ATP6V0A4: variants seen among roughly 807,000 people sequenced by gnomAD.
ATP6V0A4 encodes ATPase H+ transporting V0 subunit a4, also known as V-type proton ATPase 116 kDa subunit a 4.
In ATP6V0A4, 86 loss-of-function variants were observed where a neutral mutation model predicts 107.3. The observed-to-expected ratio is 0.80, with a 90% CI of 0.67 to 0.96. The LOEUF (loss-of-function observed/expected upper bound fraction) is 0.96, where lower values mean the gene tolerates loss of function less well. Ranked by LOEUF, ATP6V0A4 falls within the 40% of genes least tolerant of loss-of-function variation. The probability of loss-of-function intolerance (pLI) is 0.00; values close to 1 mark genes in which losing one functional copy is unlikely to be tolerated. For missense variants in ATP6V0A4, 908 were observed against 1,045.6 expected, an observed-to-expected ratio of 0.87 and a Z score of 1.81; for synonymous variants, 353 against 381.4, an observed-to-expected ratio of 0.93 and a Z score of 0.87.
chr7:138,765,256 A>G (rs1019828379), intron 5 of ATP6V0A4, among the ~76,000 whole-genome samples: 31 of 152,266 alleles, frequency 2.0e-4, no homozygotes, highest in African/African-American at 7.2e-4. Flanking sequence ...GTTCCACTCC[A>G]TTACCTCCCG....
At chr7:138,719,350 T>A (rs78943143) in intron 19 of ATP6V0A4, among the ~76,000 whole-genome samples, 42,713 of 151,892 alleles carry the variant, frequency 0.28, 6,251 homozygotes, top group South Asian at 0.41. Flanking sequence ...GCGAATGCAG[T>A]GGCTTAAGTT....
chr7:138,714,433 G>A, intron 20 of ATP6V0A4, among the ~76,000 whole-genome samples: 1 of 151,780 alleles, frequency 6.6e-6, no homozygotes, highest in East Asian at 1.9e-4. Context: ...TATCAAAACT[G>A]TATTTCCAAT....
At chr7:138,762,825 G>T (rs187857839) in intron 6 of ATP6V0A4, 75 bp downstream of exon 6, 46 of 1,513,864 alleles carry the variant, frequency 3.0e-5, no homozygotes, top group Admixed American at 3.3e-5. Context: ...CAGATCCCAG[G>T]CCAGCCAGTT....
intron 18 of ATP6V0A4, among the ~76,000 whole-genome samples, chr7:138,725,895 G>A (rs1804687278): frequency 6.6e-6 from 1 of 152,170 alleles, no homozygotes; most frequent in Admixed American, 6.5e-5. Context: ...ATACTTCATG[G>A]ATTGGTGCCT....
At position 138,718,670 on chromosome 7, in the gene ATP6V0A4, TCGGGGCGGG is replaced by T. The variant is rs769198248; in HGVS notation, c.2140-2798_2140-2790del. 1.0e-4 allele frequency among the ~76,000 whole-genome samples: 4 copies of T among 39,882 alleles called. 2 individuals carry two copies. The highest frequency in any genetic ancestry group is 1.9e-4 in the Non-Finnish European group (4 of 20,730). The allele number at this position is 39,882 out of a possible 152,430, so 26.2% of individuals were successfully genotyped here. ...CGGAGGGAGACGTCCAGGAAGGAAT[TCGGGGCGGG>T]GGGGGGGGGTGCAGTCACGGATGTC... On this transcript the variant is annotated intron_variant, in intron 19 of 21. Coordinates refer to ENST00000310018, the MANE Select transcript of ATP6V0A4 (RefSeq NM_020632.3).
At chr7:138,788,334 T>G (rs1273759238) in intron 1 of ATP6V0A4, among the ~76,000 whole-genome samples, 1 of 152,196 alleles carries the variant, frequency 6.6e-6, no homozygotes, top group African/African-American at 2.4e-5. Flanking sequence ...TAAGAGTAAT[T>G]GTAGGGAACC....
chr7:138,721,776 C>T, intron 19 of ATP6V0A4, 121 bp downstream of exon 19: 1 of 1,116,816 alleles, frequency 9.0e-7, no homozygotes, highest in Non-Finnish European at 1.3e-6. Flanking sequence ...TCCCAGGACT[C>T]AGCAGTGACA....
At chr7:138,735,715 C>T (rs988183498) in intron 15 of ATP6V0A4, among the ~76,000 whole-genome samples, 8 of 152,196 alleles carry the variant, frequency 5.3e-5, no homozygotes, top group Non-Finnish European at 1.0e-4. Flanking sequence ...CTCGGCATTC[C>T]CCTTGCTCAC....
intron 18 of ATP6V0A4, among the ~76,000 whole-genome samples, chr7:138,726,211 G>C (rs866551247): frequency 6.9e-4 from 105 of 152,018 alleles, no homozygotes; most frequent in South Asian, 1.7e-3. Flanking sequence ...GGATGGTCTC[G>C]ATCTCCTGAC....
At chr7:138,763,697 A>T (rs146345538) in intron 5 of ATP6V0A4, among the ~76,000 whole-genome samples, 187 of 151,530 alleles carry the variant, frequency 1.2e-3, no homozygotes, top group Non-Finnish European at 1.8e-3. Context: ...TAAAATAGAA[A>T]ATGATGGGCC....
chr7:138,732,905 G>A lies in ATP6V0A4; in HGVS notation c.1880C>T (p.Ser627Phe), dbSNP rs780506721. The A allele has an allele frequency of 2.5e-6, 4 of 1,612,936 alleles. No homozygotes were observed. Among genetic ancestry groups the A allele is most frequent in the Non-Finnish European group, 3.4e-6 (4 of 1,179,570 alleles). The change falls in exon 17 of 22, where the codon TCT becomes TTT. Residue 627 changes from serine to phenylalanine, a missense_variant. Transcript: ENST00000310018. ...ATGTTTGTAGAGGGGTGCGTTGGAA[G>A]AGTCACTGTAGTTAAACAGAAACAT... Reference protein sequence around the residue: ...INMFLFNYSDSSNAPLYKHQQ... With the variant: ...INMFLFNYSDFSNAPLYKHQQ...
At chr7:138,731,827 A>G (rs1381816608) in intron 17 of ATP6V0A4, among the ~76,000 whole-genome samples, 1 of 152,068 alleles carries the variant, frequency 6.6e-6, no homozygotes, top group African/African-American at 2.4e-5. Flanking sequence ...CAGGAGGCGG[A>G]GGTCGCAATG....
rs574869865 is a variant in ATP6V0A4, at chr7:138,708,490, T to C, written c.2429+1134A>G. 8.1e-4 allele frequency among the ~76,000 whole-genome samples: 124 copies of C among 152,240 alleles called. 4 individuals are homozygous for C. In the South Asian group the frequency reaches 0.025, roughly 31 times the overall value. On this transcript the variant is annotated intron_variant, in intron 21 of 21. Coordinates refer to ENST00000310018, the MANE Select transcript of ATP6V0A4 (RefSeq NM_020632.3). ...AAGGCTTCTTTATGAATAGTGGCCA[T>C]AGAGGGAGGAAGAAAACATCAGGGC...
intron 21 of ATP6V0A4, 97 bp from the exon 22 acceptor site, chr7:138,706,814 T>A: frequency 1.3e-6 from 2 of 1,559,610 alleles, no homozygotes; most frequent in Non-Finnish European, 1.7e-6. Context: ...AGAGCGTTCG[T>A]AAAATCAAGC....
intron 5 of ATP6V0A4, among the ~76,000 whole-genome samples, chr7:138,765,488 G>A (rs1000605819): frequency 1.3e-5 from 2 of 152,214 alleles, no homozygotes; most frequent in African/African-American, 4.8e-5. Flanking sequence ...CAGTTTCTGA[G>A]GGGATGGTGG....
At chr7:138,744,238 C>CA (rs1470977270) in intron 14 of ATP6V0A4, among the ~76,000 whole-genome samples, 2 of 128,842 alleles carry the variant, frequency 1.6e-5, no homozygotes, top group Non-Finnish European at 3.2e-5. Flanking sequence ...TCCTCATCTG[C>CA]TTTTTTTTTT....
intron 2 of ATP6V0A4, among the ~76,000 whole-genome samples, chr7:138,775,728 G>C (rs1807629427): frequency 6.9e-6 from 1 of 144,388 alleles, no homozygotes; most frequent in Non-Finnish European, 1.5e-5. Context: ...TCGGCTCACT[G>C]CAAGCTCTGC....
At chr7:138,736,666 G>C (rs1410287865) in intron 15 of ATP6V0A4, among the ~76,000 whole-genome samples, 2 of 151,962 alleles carry the variant, frequency 1.3e-5, no homozygotes, top group Admixed American at 1.3e-4. Context: ...CTGCCTCCCG[G>C]GTTCAAGCGA....
At chr7:138,717,744 C>A (rs1476458845) in intron 19 of ATP6V0A4, among the ~76,000 whole-genome samples, 1 of 150,944 alleles carries the variant, frequency 6.6e-6, no homozygotes, top group Non-Finnish European at 1.5e-5. Flanking sequence ...CCTACCTCTA[C>A]TAAAAACACA....
Sources: allele counts gnomAD v4.1 joint callset (sites outside exome capture counted in the v4.1 genomes callset), GRCh38; gene constraint gnomAD v4.1.1; transcripts MANE v1.5; gene names NCBI Gene and HGNC (gene_info 2026-07-23, HGNC 2026-07-21).